Variants in AFF3 observed in about 807,000 individuals in gnomAD.
AFF3 encodes the protein AF4/FMR2 family member 3.
A neutral mutation model predicts 129.7 loss-of-function variants in AFF3; 32 were observed. That is an observed-to-expected ratio of 0.25 (90% CI 0.19 to 0.33). The LOEUF (loss-of-function observed/expected upper bound fraction) is 0.33, where lower values mean the gene tolerates loss of function less well. Among genes scored for constraint, AFF3 ranks in the 10% least tolerant of loss-of-function variants. The pLI, the probability that AFF3 is intolerant of heterozygous loss-of-function variation, is 1.00. For synonymous variants in AFF3, 644 were observed against 635.4 expected, an observed-to-expected ratio of 1.01 and a Z score of -0.20; for missense variants, 1,373 against 1,592.0, an observed-to-expected ratio of 0.86 and a Z score of 2.34.
chr2:99,602,405 G>T (rs1679924781), intron 13 of AFF3, among the ~76,000 whole-genome samples: 1 of 152,088 alleles, frequency 6.6e-6, no homozygotes, highest in South Asian at 2.1e-4. Flanking sequence ...GCTGAAATTT[G>T]CCAGAAAGTC....
intron 9 of AFF3, among the ~76,000 whole-genome samples, chr2:99,747,389 G>C (rs1292848289): frequency 6.6e-6 from 1 of 152,112 alleles, no homozygotes. Flanking sequence ...GAGTGCAGTG[G>C]CACGATCATG....
chr2:99,633,525 T>G (rs556498298), intron 13 of AFF3, among the ~76,000 whole-genome samples: 7 of 151,982 alleles, frequency 4.6e-5, no homozygotes, highest in Non-Finnish European at 8.8e-5. Flanking sequence ...TTGAATATGG[T>G]TTTTCTGTCC....
At chr2:100,015,200 G>T (rs550238761) in intron 4 of AFF3, among the ~76,000 whole-genome samples, 1 of 152,162 alleles carries the variant, frequency 6.6e-6, no homozygotes, top group East Asian at 1.9e-4. Flanking sequence ...ACTCTAAACA[G>T]GTTCGTCTGA....
chr2:99,844,004 T>C (rs976403205), intron 7 of AFF3, among the ~76,000 whole-genome samples: 1 of 152,022 alleles, frequency 6.6e-6, no homozygotes, highest in Non-Finnish European at 1.5e-5. Context: ...CACTCCAGCC[T>C]GGATGACACA....
At position 99,716,891 on chromosome 2, in the gene AFF3, A is replaced by T. The variant is rs556316749; in HGVS notation, c.1091+10186T>A. Among the ~76,000 whole-genome samples, 284 of 87,400 alleles carry T rather than the reference A, an allele frequency of 3.2e-3. 2 individuals are homozygous for T. The East Asian group carries it at 0.034, about 10-fold the overall frequency. 57.3% of individuals were successfully genotyped at this position (87,400 alleles called of 152,430 possible). On this transcript the variant is annotated intron_variant, in intron 11 of 24. Coordinates refer to ENST00000672756, the MANE Select transcript of AFF3 (RefSeq NM_001386135.1). ...GAGTGAGACTCCGTCTCAAAAAAAA[A>T]ATATATATATATATATCCCATCATG...
chr2:99,737,314 C>T (rs975324447), intron 10 of AFF3, among the ~76,000 whole-genome samples: 3 of 152,100 alleles, frequency 2.0e-5, no homozygotes, highest in African/African-American at 7.2e-5. Context: ...TATTTACTTT[C>T]ACTGCATTTA....
intron 4 of AFF3, among the ~76,000 whole-genome samples, chr2:100,022,708 G>C (rs558272418): frequency 6.6e-6 from 1 of 152,306 alleles, no homozygotes; most frequent in East Asian, 1.9e-4. Flanking sequence ...CACTGCGCCT[G>C]GCCCTGTCTC....
At chr2:99,722,984 C>G (rs1679037528) in intron 11 of AFF3, among the ~76,000 whole-genome samples, 1 of 152,176 alleles carries the variant, frequency 6.6e-6, no homozygotes, top group African/African-American at 2.4e-5. Context: ...TTTCAAGGAT[C>G]AAATTTCCTA....
chr2:99,889,238 C>G (rs551057712), intron 7 of AFF3, among the ~76,000 whole-genome samples: 3 of 152,252 alleles, frequency 2.0e-5, no homozygotes, highest in Admixed American at 6.5e-5. Context: ...CTCCTGGGAC[C>G]AAGCAATCCT....
chr2:100,013,222 T>C lies in AFF3; in HGVS notation c.54-4290A>G, dbSNP rs188505607. Among the ~76,000 whole-genome samples the C allele has an allele frequency of 4.9e-4, 74 of 152,336 alleles. 1 individual carries two copies. Among genetic ancestry groups the C allele is most frequent in the Admixed American group, 3.7e-3 (57 of 15,298 alleles). ...GCCAATTATGGTGGTTAAGTAGAAA[T>C]AGACGTCTAAACATGAAACTGTCAT... On this transcript the variant is annotated intron_variant, in intron 4 of 24. Coordinates refer to ENST00000672756, the MANE Select transcript of AFF3 (RefSeq NM_001386135.1).
chr2:99,968,754 G>A lies in AFF3; in HGVS notation c.873+37878C>T, dbSNP rs981146563. The stretch of plus-strand genomic sequence containing the variant: ...GGTTAAGTTTGGTTTGTCATAAAAG[G>A]CATGGGCAGCCACAACAGCTTCCGG... On this transcript the variant is annotated intron_variant, in intron 7 of 24. Transcript: ENST00000672756. 6.6e-5 allele frequency among the ~76,000 whole-genome samples: 10 copies of A among 152,252 alleles called. No individual in the cohort carries two copies. The East Asian group carries it at 1.9e-3, about 29-fold the overall frequency.
intron 10 of AFF3, among the ~76,000 whole-genome samples, chr2:99,740,231 G>T (rs895451044): frequency 2.7e-5 from 4 of 149,976 alleles, no homozygotes; most frequent in Admixed American, 2.7e-4. Context: ...ATTTGGGTTG[G>T]TTCCAAGTCT....
chr2:99,656,870 G>T (rs188596297), intron 12 of AFF3, among the ~76,000 whole-genome samples: 1 of 151,898 alleles, frequency 6.6e-6, no homozygotes, highest in Non-Finnish European at 1.5e-5. Context: ...CATTTTGTTC[G>T]GTCAACTTTG....
intron 12 of AFF3, among the ~76,000 whole-genome samples, chr2:99,657,431 T>G (rs6728983): frequency 0.65 from 99,292 of 152,008 alleles, 33,179 homozygotes; most frequent in African/African-American, 0.79. Context: ...GACAATTTTA[T>G]TTTTGGCTTC....
chr2:100,042,881 T>C (rs1451863543), intron 4 of AFF3, among the ~76,000 whole-genome samples: 1 of 152,182 alleles, frequency 6.6e-6, no homozygotes, highest in Non-Finnish European at 1.5e-5. Flanking sequence ...AAAATATTAT[T>C]TTAGCTTTCT....
chr2:100,009,316 T>G (rs1682285412), intron 4 of AFF3, among the ~76,000 whole-genome samples: 1 of 150,616 alleles, frequency 6.6e-6, no homozygotes, highest in South Asian at 2.1e-4. Context: ...TATATGGGAA[T>G]GCTCCTGTTC....
chr2:100,141,609 C>T (rs1224195839), intron 1 of AFF3, among the ~76,000 whole-genome samples: 1 of 152,154 alleles, frequency 6.6e-6, no homozygotes, highest in African/African-American at 2.4e-5. Context: ...GAATGATCCC[C>T]TCTTTGAATA....
chr2:99,648,520 C>T (rs1488755408), intron 13 of AFF3, among the ~76,000 whole-genome samples: 1 of 152,124 alleles, frequency 6.6e-6, no homozygotes, highest in African/African-American at 2.4e-5. Context: ...ATGTGCCAGC[C>T]ACTCAGGACA....
At chr2:99,955,058 A>G (rs1676514226) in intron 7 of AFF3, among the ~76,000 whole-genome samples, 1 of 152,296 alleles carries the variant, frequency 6.6e-6, no homozygotes, top group African/African-American at 2.4e-5. Flanking sequence ...TTTTTGCAAT[A>G]AATGGCAACT....
Sources: allele counts gnomAD v4.1 joint callset (sites outside exome capture counted in the v4.1 genomes callset), GRCh38; gene constraint gnomAD v4.1.1; transcripts MANE v1.5; gene names NCBI Gene and HGNC (gene_info 2026-07-23, HGNC 2026-07-21).